The following NCAM2 variants were observed in gnomAD, a reference collection of about 807,000 sequenced individuals.
NCAM2 encodes N-CAM-2.
In NCAM2, 30 loss-of-function variants were observed where a neutral mutation model predicts 98.1. The ratio of observed to expected loss-of-function variants is 0.31; its 90% CI spans 0.23 to 0.41. NCAM2 has a LOEUF of 0.41. Ranked by LOEUF, NCAM2 falls within the 10% of genes least tolerant of loss-of-function variation. The probability of loss-of-function intolerance (pLI) is 1.00; values close to 1 mark genes in which losing one functional copy is unlikely to be tolerated. For synonymous variants in NCAM2, 368 were observed against 342.4 expected (o/e 1.07, Z -0.83); for missense variants, 867 against 1,005.8 (o/e 0.86, Z 1.87).
chr21:21,208,570 G>T (rs2069527254), intron 1 of NCAM2, among the ~76,000 whole-genome samples: 1 of 152,056 alleles, frequency 6.6e-6, no homozygotes, highest in Admixed American at 6.6e-5. Flanking sequence ...ATACATGGTT[G>T]TAAGTTTCAG....
chr21:21,300,547 C>G (rs11387244), intron 5 of NCAM2, among the ~76,000 whole-genome samples: 1 of 147,622 alleles, frequency 6.8e-6, no homozygotes, highest in African/African-American at 2.5e-5. Flanking sequence ...AGCCTCTTTA[C>G]AATGTACCTT....
chr21:21,470,826 C>G (rs1984350974), intron 14 of NCAM2, among the ~76,000 whole-genome samples: 1 of 151,986 alleles, frequency 6.6e-6, no homozygotes, highest in Non-Finnish European at 1.5e-5. Context: ...CATCTTAGAG[C>G]TACTATCATT....
At chr21:21,534,039 A>G (rs1441481406) in intron 16 of NCAM2, among the ~76,000 whole-genome samples, 1 of 152,068 alleles carries the variant, frequency 6.6e-6, no homozygotes, top group Admixed American at 6.5e-5. Flanking sequence ...AGAAGACAAC[A>G]CATACAAATT....
chr21:21,507,514 C>T (rs1215150827), intron 15 of NCAM2, among the ~76,000 whole-genome samples: 2 of 152,028 alleles, frequency 1.3e-5, no homozygotes, highest in Non-Finnish European at 2.9e-5. Flanking sequence ...CTAAACTGGG[C>T]TAGGCACGGT....
At chr21:21,216,710 G>A (rs988141667) in intron 1 of NCAM2, among the ~76,000 whole-genome samples, 1 of 152,184 alleles carries the variant, frequency 6.6e-6, no homozygotes, top group Non-Finnish European at 1.5e-5. Flanking sequence ...GAATAAGGGG[G>A]ATTTAAGGAT....
chr21:21,451,793 C>A (rs1981111518), intron 12 of NCAM2, among the ~76,000 whole-genome samples: 1 of 152,076 alleles, frequency 6.6e-6, no homozygotes, highest in Admixed American at 6.6e-5. Context: ...GACGCTGCTT[C>A]AACTTGGAAA....
intron 1 of NCAM2, among the ~76,000 whole-genome samples, chr21:21,027,636 A>G (rs1369029069): frequency 1.3e-5 from 2 of 152,218 alleles, no homozygotes; most frequent in Non-Finnish European, 2.9e-5. Context: ...AGGAAGAACT[A>G]TGAATAAAAA....
intron 1 of NCAM2, among the ~76,000 whole-genome samples, chr21:21,044,317 C>T (rs2064966903): frequency 6.6e-6 from 1 of 152,044 alleles, no homozygotes; most frequent in South Asian, 2.1e-4. Flanking sequence ...AAAGTATGGT[C>T]TTATAGCAGA....
rs190099288 is a variant in NCAM2, at chr21:21,348,860, C to T, written c.1044+10326C>T. ...AAAAGACAGTCTGTTCAATAAATGG[C>T]GCTGGGGAAACTGGATATCCATATG... is the stretch of plus-strand genomic sequence containing the variant. On this transcript the variant is annotated intron_variant, in intron 8 of 17. Transcript: ENST00000400546. Among the ~76,000 whole-genome samples the T allele has an allele frequency of 3.0e-3, 454 of 152,050 alleles. 10 individuals are homozygous for T. Among genetic ancestry groups the T allele is most frequent in the Admixed American group, 0.026 (400 of 15,264 alleles).
intron 3 of NCAM2, 70 bp downstream of exon 3, chr21:21,284,470 T>C (rs962173268): frequency 3.4e-6 from 4 of 1,171,328 alleles, no homozygotes; most frequent in Admixed American, 4.0e-5. Flanking sequence ...AAAAATAAAA[T>C]GTTTGATAAC....
In NCAM2 at chr21:21,120,544, T is replaced by G. The variant is rs75520965; in HGVS notation, c.55+121926T>G. 4.1e-3 allele frequency among the ~76,000 whole-genome samples: 624 copies of G among 152,178 alleles called. 3 individuals are homozygous for G. The highest frequency in any genetic ancestry group is 0.014 in the African/African-American group (569 of 41,538). On this transcript the variant is annotated intron_variant, in intron 1 of 17. Transcript: ENST00000400546. ...GAATAGGTGACTGATTAAGCCTGCG[T>G]GTTCACAGGCGGGGGACGCTGCTTC...
intron 6 of NCAM2, among the ~76,000 whole-genome samples, chr21:21,334,519 G>A (rs142326527): frequency 1.4e-3 from 209 of 152,032 alleles, no homozygotes; most frequent in Middle Eastern, 6.8e-3. Flanking sequence ...ACAATTGTAT[G>A]GACAAGCAAA....
chr21:21,358,463 C>G (rs1381054583), intron 8 of NCAM2, among the ~76,000 whole-genome samples: 1 of 151,976 alleles, frequency 6.6e-6, no homozygotes, highest in South Asian at 2.1e-4. Flanking sequence ...TTTATTCTAT[C>G]ACAGACACAC....
chr21:21,535,080 A>G (rs1375957307), intron 17 of NCAM2, among the ~76,000 whole-genome samples: 3 of 152,166 alleles, frequency 2.0e-5, no homozygotes, highest in Non-Finnish European at 4.4e-5. Flanking sequence ...TATTTTAAAA[A>G]GAAATATTTG....
intron 9 of NCAM2, among the ~76,000 whole-genome samples, chr21:21,408,711 C>T (rs1223492758): frequency 1.3e-5 from 2 of 151,950 alleles, no homozygotes; most frequent in South Asian, 4.2e-4. Flanking sequence ...ACTCAGATCC[C>T]TTTTCCATAG....
intron 1 of NCAM2, among the ~76,000 whole-genome samples, chr21:21,183,474 GT>G (rs2068543209): frequency 6.6e-6 from 1 of 152,152 alleles, no homozygotes; most frequent in South Asian, 2.1e-4. Flanking sequence ...GGACATATTA[GT>G]GGGGGCAGCT....
At chr21:21,219,709 TA>T (rs1331128603) in intron 1 of NCAM2, among the ~76,000 whole-genome samples, 1 of 152,180 alleles carries the variant, frequency 6.6e-6, no homozygotes. Flanking sequence ...TTCTACTTGT[TA>T]AAAAAAGTTA....
intron 12 of NCAM2, among the ~76,000 whole-genome samples, chr21:21,448,501 T>C (rs1156292679): frequency 4.0e-5 from 6 of 150,998 alleles, no homozygotes; most frequent in Non-Finnish European, 7.4e-5. Context: ...TCCTGGAAAT[T>C]GAAGTAAAAT....
At chr21:21,032,088 G>A (rs2064697066) in intron 1 of NCAM2, among the ~76,000 whole-genome samples, 1 of 152,084 alleles carries the variant, frequency 6.6e-6, no homozygotes, top group South Asian at 2.1e-4. Context: ...CAATGCAATG[G>A]TGAGCGTACG....
Sources: gnomAD v4.1 joint callset for allele counts (sites outside exome capture counted in the v4.1 genomes callset) on GRCh38, gnomAD v4.1.1 for gene constraint, MANE v1.5 for transcripts, NCBI Gene and HGNC (gene_info 2026-07-23, HGNC 2026-07-21) for gene names.